The following FBXO15 variants were observed in gnomAD, a reference collection of about 807,000 sequenced individuals.
The protein encoded by FBXO15 is F-box protein 15, also known as F-box only protein 15.
FBXO15 carries 30 observed loss-of-function variants against 49.5 expected under a neutral mutation model. That is an observed-to-expected ratio of 0.61 (90% confidence interval 0.45 to 0.82). FBXO15 has a LOEUF of 0.82. Ranked by LOEUF, FBXO15 falls within the 40% of genes least tolerant of loss-of-function variation. FBXO15 has a pLI of 0.00. For missense variants in FBXO15, 591 were observed against 631.5 expected, an observed-to-expected ratio of 0.94 and a Z score of 0.69; for synonymous variants, 250 against 232.7, an observed-to-expected ratio of 1.07 and a Z score of -0.68.
chr18:74,115,227 C>T (rs980069895), intron 8 of FBXO15, among the ~76,000 whole-genome samples: 1 of 152,170 alleles, frequency 6.6e-6, no homozygotes, highest in Non-Finnish European at 1.5e-5. Context: ...AAATGGATGA[C>T]TGCAGCACTG....
chr18:74,077,586 G>A (rs1049033100), intron 9 of FBXO15, among the ~76,000 whole-genome samples: 1 of 152,174 alleles, frequency 6.6e-6, no homozygotes, highest in Non-Finnish European at 1.5e-5. Context: ...TGCATGACAG[G>A]GACCACCACA....
At chr18:74,135,595 T>C (rs1978666025) in intron 3 of FBXO15, among the ~76,000 whole-genome samples, 167 bp downstream of exon 3, 1 of 152,224 alleles carries the variant, frequency 6.6e-6, no homozygotes, top group Non-Finnish European at 1.5e-5. Context: ...AGCATATAAA[T>C]GCAAATATTT....
intron 1 of FBXO15, 35 bp from the exon 2 acceptor site, chr18:74,140,347 T>C: frequency 6.6e-7 from 1 of 1,524,668 alleles, no homozygotes; most frequent in Non-Finnish European, 8.9e-7. Flanking sequence ...AATTATGTAA[T>C]TACCAAATGA....
intron 9 of FBXO15, among the ~76,000 whole-genome samples, chr18:74,079,191 G>C (rs1325123976): frequency 1.3e-5 from 2 of 152,204 alleles, no homozygotes; most frequent in East Asian, 3.8e-4. Flanking sequence ...TACGGGAAAA[G>C]CCTCACCAAA....
Position 74,123,461 on chromosome 18 carries a change from A to G in FBXO15, c.1045T>C (p.Tyr349His). Residue 349 changes from tyrosine to histidine, a missense_variant, in exon 8 of 10, where the codon TAT (tyrosine) becomes CAT (histidine). Coordinates refer to ENST00000419743, the MANE Select transcript of FBXO15 (RefSeq NM_001142958.2). The stretch of plus-strand genomic sequence containing the variant: ...TGGAGTTGGTAGCCGTGCAGTCCAT[A>G]CTCGGGGCTATCATCCAAAAAGGGG... ...HSPFLDDSPEYGLHGYQLHVD... is the reference protein window; with the variant it reads ...HSPFLDDSPEHGLHGYQLHVD... The G allele has an allele frequency of 6.2e-7, 1 of 1,613,792 alleles. No individual in the cohort carries two copies.
intron 6 of FBXO15, among the ~76,000 whole-genome samples, chr18:74,125,070 G>A (rs1209672613): frequency 2.6e-5 from 4 of 152,110 alleles, no homozygotes; most frequent in Admixed American, 2.0e-4. Flanking sequence ...CGACTATTTG[G>A]GGACTGACCT....
At chr18:74,076,071 C>T (rs1912244388) in intron 9 of FBXO15, 5 of 152,276 alleles carry the variant, frequency 3.3e-5, no homozygotes, top group African/African-American at 1.2e-4. Flanking sequence ...ACTCCTCGTC[C>T]CAGGGACTGG....
At chr18:74,134,854 T>G (rs1273418453) in intron 3 of FBXO15, among the ~76,000 whole-genome samples, 1 of 151,840 alleles carries the variant, frequency 6.6e-6, no homozygotes, top group East Asian at 1.9e-4. Flanking sequence ...ATATGACAGC[T>G]CTCATTCTGC....
intron 8 of FBXO15, among the ~76,000 whole-genome samples, chr18:74,092,496 G>A (rs1913083879): frequency 6.6e-6 from 1 of 152,162 alleles, no homozygotes; most frequent in African/African-American, 2.4e-5. Flanking sequence ...TTTCTCATCT[G>A]TGTGGGCTGA....
chr18:74,077,692 G>A (rs760708288), intron 9 of FBXO15, among the ~76,000 whole-genome samples: 2 of 152,132 alleles, frequency 1.3e-5, no homozygotes, highest in African/African-American at 2.4e-5. Context: ...GGCTGAGAAT[G>A]GGGGAGTTGA....
rs17088846 is a variant in FBXO15 at position 74,146,182 on chromosome 18, G to A, written c.116+1488C>T. 2.6e-3 allele frequency among the ~76,000 whole-genome samples: 401 copies of A among 152,260 alleles called. 1 individual carries two copies. The highest frequency in any genetic ancestry group is 9.3e-3 in the African/African-American group (387 of 41,538). On this transcript the variant is annotated intron_variant, in intron 1 of 9. Transcript: ENST00000419743. ...ATTAAGCCAACTTAATACGCTTTCT[G>A]CTACACTTCTTACAGTTTGTGATAT...
chr18:74,140,836 G>A (rs1979032451), intron 1 of FBXO15: 1 of 152,406 alleles, frequency 6.6e-6, no homozygotes, highest in Non-Finnish European at 1.5e-5. Flanking sequence ...GATACAGTTA[G>A]TGTACTGATT....
At position 74,073,494 on chromosome 18, in the gene FBXO15, T is replaced by G; in HGVS notation, c.1500A>C (p.Ala500=). Reference sequence around the variant, plus strand: ...CAGTCCCAAACCAATGGTTGATTTTTGCGATACTAAGATAAAGGACCAGGT... The same window carrying G: ...CAGTCCCAAACCAATGGTTGATTTTGGCGATACTAAGATAAAGGACCAGGT... The part of the protein sequence containing the change: ...IVNLVLYLSI[A]KINHWFGTEY Residue 500 remains alanine (A), a synonymous_variant, in exon 10 of 10, where the codon GCA becomes GCC. Transcript: ENST00000419743. 1.9e-6 allele frequency: 3 copies of G among 1,614,144 alleles called. No homozygotes were observed. The highest frequency in any genetic ancestry group is 2.5e-6 in the Non-Finnish European group (3 of 1,180,012).
chr18:74,131,405 G>T (rs777694581), intron 3 of FBXO15, among the ~76,000 whole-genome samples: 1 of 152,100 alleles, frequency 6.6e-6, no homozygotes, highest in Non-Finnish European at 1.5e-5. Context: ...AGCTGGGATC[G>T]GAACCAGAGC....
chr18:74,098,475 G>GA (rs1214358727), intron 8 of FBXO15: 1 of 152,128 alleles, frequency 6.6e-6, no homozygotes, highest in Non-Finnish European at 1.5e-5. Flanking sequence ...AAATGCTCAG[G>GA]AAAGTCTCAG....
At chr18:74,110,174 T>C (rs1306152094) in intron 8 of FBXO15, among the ~76,000 whole-genome samples, 7 of 118,536 alleles carry the variant, frequency 5.9e-5, no homozygotes, top group Non-Finnish European at 9.7e-5. Context: ...CATATATATA[T>C]ATATATACAC....
At position 74,075,398 on chromosome 18, in the gene FBXO15, TG is replaced by T; in HGVS notation, c.1264-1669del. 6.6e-6 allele frequency among the ~76,000 whole-genome samples: 1 copy of T among 152,222 alleles called. No homozygotes were observed. The highest frequency in any genetic ancestry group is 2.4e-5 in the African/African-American group (1 of 41,450). On this transcript the variant is annotated intron_variant, in intron 9 of 9. Transcript: ENST00000419743. The surrounding 1 kb of genome is among the most constrained non-coding windows in gnomAD (Gnocchi z 4.1). ...CAGCGTAGCCCATCTTGCAAAGGCATGATGTCCCTCTCAAGTGACTACTTCT... is the reference window on the plus strand; with the variant it reads ...CAGCGTAGCCCATCTTGCAAAGGCATATGTCCCTCTCAAGTGACTACTTCT...
At chr18:74,140,172 C>T (rs1978977925) in intron 2 of FBXO15, 30 bp downstream of exon 2, 1 of 1,535,784 alleles carries the variant, frequency 6.5e-7, no homozygotes, top group African/African-American at 1.4e-5. Context: ...TAGAGGCCCC[C>T]AAAAGTGACA....
intron 8 of FBXO15, among the ~76,000 whole-genome samples, chr18:74,112,212 C>A (rs891650372): frequency 6.6e-6 from 1 of 151,976 alleles, no homozygotes; most frequent in African/African-American, 2.4e-5. Context: ...GCTCTAATTT[C>A]GAAACCAAAA....
Sources: gnomAD v4.1 joint callset for allele counts (sites outside exome capture counted in the v4.1 genomes callset) on GRCh38, gnomAD v4.1.1 for gene constraint, Gnocchi (gnomAD v3.1) non-coding constraint, MANE v1.5 for transcripts, NCBI Gene and HGNC (gene_info 2026-07-23, HGNC 2026-07-21) for gene names.